Variants in KCNN2 observed in about 807,000 individuals in gnomAD.
KCNN2 encodes potassium calcium-activated channel subfamily N member 2, also known as small conductance calcium-activated potassium channel protein 2.
A neutral mutation model predicts 55.5 loss-of-function variants in KCNN2; 24 were observed. The observed-to-expected ratio is 0.43, with a 90% CI of 0.31 to 0.61. The LOEUF (loss-of-function observed/expected upper bound fraction) is 0.61, where lower values mean the gene tolerates loss of function less well. Among genes scored for constraint, KCNN2 ranks in the 20% least tolerant of loss-of-function variants. The pLI, the probability that KCNN2 is intolerant of heterozygous loss-of-function variation, is 0.08. For missense variants in KCNN2, 754 were observed against 853.6 expected (o/e 0.88, Z 1.45); for synonymous variants, 431 against 336.1 (o/e 1.28, Z -3.09).
intron 3 of KCNN2, among the ~76,000 whole-genome samples, chr5:114,439,894 T>C (rs1760145847): frequency 6.6e-6 from 1 of 152,196 alleles, no homozygotes; most frequent in African/African-American, 2.4e-5. Context: ...TACTCACATA[T>C]GCTTTTGAAA....
At chr5:114,449,908 A>ACACGCGCGCG (rs1309590184) in intron 3 of KCNN2, among the ~76,000 whole-genome samples, 1 of 66,120 alleles carries the variant, frequency 1.5e-5, no homozygotes, top group African/African-American at 3.5e-5. Context: ...ACACACACAC[A>ACACGCGCGCG]CGCGCGCGCT....
rs148738336 is a variant in KCNN2, at chr5:114,119,893, A to G, written c.-271+63393A>G. Among the ~76,000 whole-genome samples the G allele has an allele frequency of 2.7e-3, 410 of 152,290 alleles. 3 individuals are homozygous for G. The highest frequency in any genetic ancestry group is 9.6e-3 in the African/African-American group (398 of 41,590). ...CTTACTATGTCTTGGTGTCTCGCAT[A>G]GGTTTTGAGGACAATTGAGATGCTG... On this transcript the variant is annotated intron_variant, in intron 1 of 10. Coordinates refer to the KCNN2 transcript ENST00000512097.
intron 1 of KCNN2, among the ~76,000 whole-genome samples, chr5:114,185,967 G>A (rs970136017): frequency 6.6e-6 from 1 of 152,180 alleles, no homozygotes; most frequent in Non-Finnish European, 1.5e-5. Context: ...TAGTTTAGAT[G>A]ATCTCTGCAG....
intron 2 of KCNN2, among the ~76,000 whole-genome samples, chr5:114,328,010 G>A (rs1297184250): frequency 6.6e-6 from 1 of 152,178 alleles, no homozygotes. Flanking sequence ...CTTTTATATA[G>A]AGGTCGATCC....
At chr5:114,203,854 G>T (rs1351909902) in intron 1 of KCNN2, among the ~76,000 whole-genome samples, 1 of 152,174 alleles carries the variant, frequency 6.6e-6, no homozygotes, top group Non-Finnish European at 1.5e-5. Flanking sequence ...CATCTATTCA[G>T]AAACTATACC....
chr5:114,129,488 A>G (rs1465783347), intron 1 of KCNN2, among the ~76,000 whole-genome samples: 8 of 152,184 alleles, frequency 5.3e-5, no homozygotes, highest in Non-Finnish European at 2.9e-5. Flanking sequence ...CATAGCTGCT[A>G]AATTCCCTAA....
rs1024559274 is a variant in KCNN2 at position 114,362,976 on chromosome 5, G to A, written c.837G>A (p.Val279=). The stretch of plus-strand genomic sequence containing the variant: ...TTTCGTCCTCAGCCCCCGAGATCGT[G>A]GTGTCTAAGCCCGAGCACAACAACT... ...AAVSSSAPEI[V]VSKPEHNNSN... Residue 279 remains valine, a synonymous_variant, in exon 1 of 8, where the codon GTG becomes GTA. Transcript: ENST00000673685. 5.7e-6 allele frequency: 9 copies of A among 1,590,154 alleles called. No homozygotes were observed. Among genetic ancestry groups the A allele is most frequent in the Non-Finnish European group, 6.8e-6 (8 of 1,174,416 alleles).
At position 114,496,018 on chromosome 5, in the gene KCNN2, G is replaced by C. The variant is rs138321847; in HGVS notation, c.2212G>C (p.Gly738Arg). 1.9e-6 allele frequency: 3 copies of C among 1,613,914 alleles called. No homozygotes were observed. In the African/African-American group the frequency reaches 4.0e-5, roughly 22 times the overall value. Residue 738 changes from glycine (G) to arginine (R), a missense_variant, in exon 8 of 8, where the codon GGG (glycine) becomes CGG (arginine). Transcript: ENST00000673685. ...TLIGSIHALP[G>R]LISQTIRQQQ... ...GATTGGTAGCATCCACGCCCTCCCTGGGCTCATAAGCCAGACCATCAGGCA... is the reference window on the plus strand; with the variant it reads ...GATTGGTAGCATCCACGCCCTCCCTCGGCTCATAAGCCAGACCATCAGGCA...
At chr5:114,433,991 T>G (rs140852528) in intron 3 of KCNN2, 1 of 152,376 alleles carries the variant, frequency 6.6e-6, no homozygotes, top group African/African-American at 2.4e-5. Flanking sequence ...AGACCATTGA[T>G]GTTTAAAGTG....
chr5:114,285,597 G>T (rs1195117080), intron 2 of KCNN2, among the ~76,000 whole-genome samples: 1 of 152,146 alleles, frequency 6.6e-6, no homozygotes, highest in African/African-American at 2.4e-5. Flanking sequence ...GGTGGTATTT[G>T]TAGAGCTTTT....
intron 2 of KCNN2, among the ~76,000 whole-genome samples, chr5:114,278,260 T>A (rs899100284): frequency 6.6e-6 from 1 of 152,300 alleles, no homozygotes; most frequent in Middle Eastern, 3.4e-3. Context: ...AGGTATCTGT[T>A]GGCCCCTACT....
chr5:114,404,968 G>C (rs1265754443), intron 3 of KCNN2, 112 bp downstream of exon 3: 10 of 926,976 alleles, frequency 1.1e-5, no homozygotes, highest in Non-Finnish European at 1.6e-5. Context: ...AAAAATTTTG[G>C]ATTTTCTGAC....
chr5:114,486,538 T>C (rs1011220236), intron 5 of KCNN2: 2 of 290,906 alleles, frequency 6.9e-6, no homozygotes, highest in Non-Finnish European at 1.3e-5. Flanking sequence ...CTAACAAGCA[T>C]ACAAATTGCT....
intron 1 of KCNN2, among the ~76,000 whole-genome samples, chr5:114,145,792 A>C (rs1752387245): frequency 6.6e-6 from 1 of 152,166 alleles, no homozygotes; most frequent in South Asian, 2.1e-4. Context: ...GGAGTGACAC[A>C]GGGTAGAAGG....
chr5:114,446,117 G>A (rs1426284504), intron 3 of KCNN2, among the ~76,000 whole-genome samples: 2 of 152,180 alleles, frequency 1.3e-5, no homozygotes, highest in Admixed American at 1.3e-4. Context: ...CTACCTGTCT[G>A]AGTAAACTAA....
intron 1 of KCNN2, among the ~76,000 whole-genome samples, chr5:114,078,830 T>G (rs1409538450): frequency 2.0e-5 from 3 of 152,224 alleles, no homozygotes; most frequent in Admixed American, 1.3e-4. Flanking sequence ...ATCAGGAATC[T>G]AAACTTGATA....
intron 6 of KCNN2, among the ~76,000 whole-genome samples, chr5:114,492,117 T>C (rs1303332526): frequency 1.3e-5 from 2 of 152,160 alleles, no homozygotes; most frequent in Non-Finnish European, 2.9e-5. Flanking sequence ...GATCGTGTTG[T>C]AGGTATGTGT....
intron 1 of KCNN2, among the ~76,000 whole-genome samples, chr5:114,211,859 C>T (rs1422645709): frequency 1.3e-5 from 2 of 151,786 alleles, no homozygotes; most frequent in East Asian, 3.9e-4. Context: ...ACTACTCCTC[C>T]ATATTAGTAA....
chr5:114,422,851 A>T (rs1048800800), intron 3 of KCNN2, among the ~76,000 whole-genome samples: 2 of 152,188 alleles, frequency 1.3e-5, no homozygotes, highest in African/African-American at 4.8e-5. Flanking sequence ...ATTCTGTTAA[A>T]GTTGGTTGTC....
Sources: gnomAD v4.1 joint callset for allele counts (sites outside exome capture counted in the v4.1 genomes callset) on GRCh38, gnomAD v4.1.1 for gene constraint, MANE v1.5 for transcripts, NCBI Gene and HGNC (gene_info 2026-07-23, HGNC 2026-07-21) for gene names.